OR8B3: variants seen among roughly 807,000 people sequenced by gnomAD.
OR8B3 encodes olfactory receptor family 8 subfamily B member 3.
For missense variants in OR8B3, 278 were observed against 377.6 expected (o/e 0.74, Z 2.19); for synonymous variants, 102 against 135.4 (o/e 0.75, Z 1.71).
chr11:124,400,742 T>C (rs1374736338), upstream of OR8B3, among the ~76,000 whole-genome samples: 1 of 151,836 alleles, frequency 6.6e-6, no homozygotes, highest in Non-Finnish European at 1.5e-5. Flanking sequence ...GTCTCACTGT[T>C]TTACAGGCTG....
In OR8B3 at chr11:124,396,378, C is replaced by T. The variant is rs1860868027; in HGVS notation, c.*32G>A. The T allele has an allele frequency of 6.5e-7, 1 of 1,545,986 alleles. No homozygotes were observed. Among genetic ancestry groups the T allele is most frequent in the Non-Finnish European group, 8.7e-7 (1 of 1,147,784 alleles). ...AACACACTAATAAAAATTTAAAGTT[C>T]TTCAATCGTTTTACATTATTACTGC... On this transcript the variant is annotated 3_prime_UTR_variant, in exon 2 of 2. Transcript: ENST00000641139.
chr11:124,405,618 G>A, the OR8B3 span, among the ~76,000 whole-genome samples: 1 of 152,202 alleles, frequency 6.6e-6, no homozygotes. Flanking sequence ...AGCTGTAAGA[G>A]TTCTTTGGAG....
chr11:124,399,885 C>CTTT (rs35671436), upstream of OR8B3, among the ~76,000 whole-genome samples: 2 of 141,790 alleles, frequency 1.4e-5, no homozygotes, highest in African/African-American at 5.1e-5. Context: ...ACAGAATTCT[C>CTTT]TTTTTTTTTT....
At chr11:124,407,885 G>A in the OR8B3 span, among the ~76,000 whole-genome samples, 3 of 152,062 alleles carry the variant, frequency 2.0e-5, no homozygotes, top group Middle Eastern at 3.4e-3. Context: ...TCTAATAGAC[G>A]GACATGTTAA....
At chr11:124,407,471 C>T in the OR8B3 span, among the ~76,000 whole-genome samples, 98 of 152,118 alleles carry the variant, frequency 6.4e-4, no homozygotes, top group Non-Finnish European at 1.3e-3. Context: ...ACACTTATTA[C>T]AATTAATAAA....
At chr11:124,407,842 A>G in the OR8B3 span, among the ~76,000 whole-genome samples, 1 of 152,146 alleles carries the variant, frequency 6.6e-6, no homozygotes, top group East Asian at 1.9e-4. Flanking sequence ...TATTGATACA[A>G]TATGTGTACT....
rs1397006609 is a variant in OR8B3, at chr11:124,398,790, A to T, written c.-118T>A. 10 of 152,210 alleles carry T rather than the reference A, an allele frequency of 6.6e-5. 1 individual carries two copies. The South Asian group carries it at 2.1e-3, about 32-fold the overall frequency. 9.4% of individuals were successfully genotyped at this position (152,210 alleles called of 1,614,324 possible). On this transcript the variant is annotated 5_prime_UTR_variant, in exon 1 of 2. Transcript: ENST00000641139. The stretch of plus-strand genomic sequence containing the variant: ...CTGTGAAGGTATCTATGTTGATCAG[A>T]TGTAGTCACAGAATCTTCTTCTCCC...
the OR8B3 span, chr11:124,404,098 CCG>C: frequency 2.0e-5 from 3 of 152,034 alleles, no homozygotes; most frequent in Non-Finnish European, 2.9e-5. Context: ...CAGAGGGAGA[CCG>C]TGGAAAGAGA....
In OR8B3 at chr11:124,396,534, G is replaced by A. The variant is rs112908778; in HGVS notation, c.818C>T (p.Ser273Phe). 82 of 1,613,314 alleles carry A rather than the reference G, an allele frequency of 5.1e-5. No individual in the cohort carries two copies. Among genetic ancestry groups the A allele is most frequent in the Admixed American group, 4.0e-4 (24 of 59,898 alleles). Residue 273 changes from serine (S) to phenylalanine (F), a missense_variant, in exon 2 of 2, where the codon TCT becomes TTT. Transcript: ENST00000641139. ...CACCACATTAGTGTAGAAAACAGAAGAAACTTTTCCCTGCTCCATAGATCC... is the reference window on the plus strand; with the variant it reads ...CACCACATTAGTGTAGAAAACAGAAAAAACTTTTCCCTGCTCCATAGATCC... ...SSGSMEQGKV[S>F]SVFYTNVVPM...
At chr11:124,403,055 C>T (rs1008138766), upstream of OR8B3, among the ~76,000 whole-genome samples, 1 of 152,098 alleles carries the variant, frequency 6.6e-6, no homozygotes, top group Non-Finnish European at 1.5e-5. Flanking sequence ...TGCCTTCAAG[C>T]GTCTGTTTAA....
chr11:124,396,355 C>A lies in OR8B3; in HGVS notation c.*55G>T, dbSNP rs1157644713. 21 of 1,428,166 alleles carry A rather than the reference C, an allele frequency of 1.5e-5. No individual in the cohort carries two copies. In the African/African-American group the frequency reaches 1.6e-4, roughly 11 times the overall value. The allele number at this position is 1,428,166 out of a possible 1,614,324, so 88.5% of individuals were successfully genotyped here. A position where few individuals can be genotyped will look rare whatever the true frequency, so the allele number is the denominator to read the frequency against. On this transcript the variant is annotated 3_prime_UTR_variant, in exon 2 of 2. Transcript: ENST00000641139. ...GAAACAACAAAATCTCTTCATGGAA[C>A]ACACTAATAAAAATTTAAAGTTCTT...
the OR8B3 span, among the ~76,000 whole-genome samples, chr11:124,405,667 G>A: frequency 6.6e-6 from 1 of 152,152 alleles, no homozygotes; most frequent in African/African-American, 2.4e-5. Flanking sequence ...TGCCCAGAAG[G>A]CCCTCTTCAC....
At chr11:124,399,195 G>T (rs1860948773), upstream of OR8B3, among the ~76,000 whole-genome samples, 1 of 152,162 alleles carries the variant, frequency 6.6e-6, no homozygotes, top group Non-Finnish European at 1.5e-5. Context: ...TAAATGTAAT[G>T]ATTGTCAGAA....
chr11:124,396,774 T>A lies in OR8B3; in HGVS notation c.578A>T (p.Tyr193Phe), dbSNP rs746738228. The A allele has an allele frequency of 1.2e-6, 2 of 1,613,538 alleles. No individual in the cohort carries two copies. The highest frequency in any genetic ancestry group is 1.7e-6 in the Non-Finnish European group (2 of 1,179,760). ...AATGAGAACAACCACCTCGTTGACATAGGTGCTGGTGCAGGAAAGCTGGAG... is the reference window on the plus strand; with the variant it reads ...AATGAGAACAACCACCTCGTTGACAAAGGTGCTGGTGCAGGAAAGCTGGAG... The part of the protein sequence containing the change: ...PLLQLSCTST[Y>F]VNEVVVLIVV... Residue 193 changes from tyrosine to phenylalanine, a missense_variant, in exon 2 of 2, where the codon TAT becomes TTT. By Grantham distance (22) the Tyr-to-Phe change is conservative. Coordinates refer to ENST00000641139, the MANE Select transcript of OR8B3 (RefSeq NM_001005467.2).
upstream of OR8B3, among the ~76,000 whole-genome samples, chr11:124,403,858 C>A (rs1281165664): frequency 6.6e-6 from 1 of 152,168 alleles, no homozygotes; most frequent in Non-Finnish European, 1.5e-5. Context: ...CGTCTGCAAT[C>A]CCGGCACCTC....
chr11:124,408,615 A>C, the OR8B3 span, among the ~76,000 whole-genome samples: 3 of 152,180 alleles, frequency 2.0e-5, no homozygotes, highest in African/African-American at 7.2e-5. Context: ...ATTGAAAAAG[A>C]GGCACAATCC....
upstream of OR8B3, among the ~76,000 whole-genome samples, chr11:124,402,833 T>TGC (rs1179855025): frequency 1.7e-5 from 1 of 60,240 alleles, no homozygotes. Flanking sequence ...TAAATGATGC[T>TGC]TCTTTTTTTT....
At chr11:124,399,730 A>T (rs1860957985), upstream of OR8B3, among the ~76,000 whole-genome samples, 1 of 152,330 alleles carries the variant, frequency 6.6e-6, no homozygotes, top group South Asian at 2.1e-4. Flanking sequence ...ACAATAGCAA[A>T]ACCAGGAAAT....
chr11:124,399,569 G>A (rs530028417), upstream of OR8B3, among the ~76,000 whole-genome samples: 2 of 152,194 alleles, frequency 1.3e-5, no homozygotes, highest in East Asian at 3.9e-4. Context: ...TTCTCTGTAG[G>A]TAGGAATTTG....
Sources: gnomAD v4.1 joint callset for allele counts (sites outside exome capture counted in the v4.1 genomes callset) on GRCh38, gnomAD v4.1.1 for gene constraint, MANE v1.5 for transcripts, NCBI Gene and HGNC (gene_info 2026-07-23, HGNC 2026-07-21) for gene names.